The following MCTP1 variants were observed in gnomAD, a reference collection of about 807,000 sequenced individuals.
MCTP1 encodes the protein multiple C2 and transmembrane domain containing 1.
A neutral mutation model predicts 120.6 loss-of-function variants in MCTP1; 69 were observed. The observed-to-expected ratio is 0.57, with a 90% CI of 0.47 to 0.70. The LOEUF is 0.70. MCTP1 is among the 30% of genes least tolerant of loss of function. The pLI is 0.00. For missense variants in MCTP1, 1,203 were observed against 1,248.8 expected, an observed-to-expected ratio of 0.96 and a Z score of 0.55; for synonymous variants, 529 against 493.1, an observed-to-expected ratio of 1.07 and a Z score of -0.96.
intron 17 of MCTP1, among the ~76,000 whole-genome samples, chr5:94,802,731 G>C (rs764063984): frequency 4.6e-5 from 7 of 152,142 alleles, no homozygotes; most frequent in Non-Finnish European, 1.0e-4. Flanking sequence ...GCATTAAAAT[G>C]GGATGGAAAA....
At chr5:95,150,962 T>A (rs6861701) in intron 1 of MCTP1, among the ~76,000 whole-genome samples, 2,610 of 152,046 alleles carry the variant, frequency 0.017, 70 homozygotes, top group African/African-American at 0.059. Context: ...AAAGTAAGCA[T>A]AAGAAAATAT....
chr5:95,038,289 T>C (rs890101931), intron 1 of MCTP1: 4 of 217,670 alleles, frequency 1.8e-5, no homozygotes, highest in African/African-American at 7.0e-5. Context: ...TAAATTCTGG[T>C]TGGAGAAGTT....
chr5:94,713,246 C>T (rs1022870611), intron 20 of MCTP1, among the ~76,000 whole-genome samples: 12 of 152,088 alleles, frequency 7.9e-5, no homozygotes, highest in East Asian at 1.9e-4. Context: ...GATCATTTTG[C>T]GGGAGAGATG....
At chr5:95,167,213 C>T (rs987073291) in intron 1 of MCTP1, among the ~76,000 whole-genome samples, 33 of 152,286 alleles carry the variant, frequency 2.2e-4, no homozygotes, top group Admixed American at 2.1e-3. Context: ...CCAGCTTCAT[C>T]CATGTCCCTA....
At chr5:95,072,905 C>T (rs546585113) in intron 1 of MCTP1, among the ~76,000 whole-genome samples, 2 of 152,202 alleles carry the variant, frequency 1.3e-5, no homozygotes, top group African/African-American at 4.8e-5. Flanking sequence ...GCCACCATAC[C>T]TGGCTAATTT....
At chr5:95,115,788 G>C (rs1175474850) in intron 1 of MCTP1, among the ~76,000 whole-genome samples, 1 of 152,068 alleles carries the variant, frequency 6.6e-6, no homozygotes, top group Non-Finnish European at 1.5e-5. Context: ...GAAGGTTATA[G>C]AATACCAAGC....
At chr5:94,781,972 G>A (rs1375121128) in intron 18 of MCTP1, among the ~76,000 whole-genome samples, 1 of 152,114 alleles carries the variant, frequency 6.6e-6, no homozygotes, top group Non-Finnish European at 1.5e-5. Context: ...ACATCTACAA[G>A]TGAGGATTTA....
chr5:95,067,895 C>T (rs1001241865), intron 1 of MCTP1, among the ~76,000 whole-genome samples: 1 of 152,136 alleles, frequency 6.6e-6, no homozygotes, highest in Non-Finnish European at 1.5e-5. Context: ...ACAACTTATT[C>T]CTCCTAACTG....
chr5:94,832,233 C>T (rs1788678552), intron 17 of MCTP1, among the ~76,000 whole-genome samples: 1 of 110,012 alleles, frequency 9.1e-6, no homozygotes, highest in Non-Finnish European at 1.6e-5. Context: ...TGCATTCCCT[C>T]CTTGCATAAG....
rs150048482 is a variant in MCTP1 at position 95,096,892 on chromosome 5, T to C, written c.721-79408A>G. ...GTCTATCATTCTGAAATATATATTA[T>C]ATATCACATTGTTCTAAATAGCTTA... On this transcript the variant is annotated intron_variant, in intron 1 of 22. Transcript: ENST00000515393. 4.5e-3 allele frequency among the ~76,000 whole-genome samples: 681 copies of C among 152,342 alleles called. 8 individuals carry two copies. The highest frequency in any genetic ancestry group is 0.016 in the African/African-American group (649 of 41,586).
intron 20 of MCTP1, among the ~76,000 whole-genome samples, chr5:94,713,918 T>A (rs1201162661): frequency 6.6e-6 from 1 of 152,170 alleles, no homozygotes; most frequent in Non-Finnish European, 1.5e-5. Flanking sequence ...TGGCTATGAA[T>A]AACAAACAAT....
chr5:95,167,669 G>T, intron 1 of MCTP1, among the ~76,000 whole-genome samples: 1 of 152,190 alleles, frequency 6.6e-6, no homozygotes, highest in Non-Finnish European at 1.5e-5. Flanking sequence ...GTGATGATGA[G>T]CATTTTTTCA....
In MCTP1 at chr5:95,145,982, T is replaced by C. The variant is rs76908872; in HGVS notation, c.721-128498A>G. Reference sequence around the variant, plus strand: ...AGATTGGTTCCAGTTCTTCTTTGTATGTCTGGTAGAACTCTGCTGTTAATC... The same window carrying C: ...AGATTGGTTCCAGTTCTTCTTTGTACGTCTGGTAGAACTCTGCTGTTAATC... On this transcript the variant is annotated intron_variant, in intron 1 of 22. Coordinates refer to ENST00000515393, the MANE Select transcript of MCTP1 (RefSeq NM_024717.7). Among the ~76,000 whole-genome samples the C allele has an allele frequency of 3.1e-3, 468 of 152,288 alleles. 1 individual carries two copies. Among genetic ancestry groups the C allele is most frequent in the African/African-American group, 0.011 (445 of 41,580 alleles).
chr5:94,939,973 A>G, intron 5 of MCTP1, 111 bp downstream of exon 5: 1 of 560,844 alleles, frequency 1.8e-6, no homozygotes, highest in Admixed American at 2.7e-5. Flanking sequence ...GAAACAAAGA[A>G]CAGGGCATAT....
intron 1 of MCTP1, among the ~76,000 whole-genome samples, chr5:95,065,204 G>C (rs1448471869): frequency 1.2e-4 from 18 of 151,578 alleles, no homozygotes; most frequent in Non-Finnish European, 4.4e-5. Flanking sequence ...CTACACCTAA[G>C]AAATCATTTC....
intron 9 of MCTP1, among the ~76,000 whole-genome samples, chr5:94,911,580 G>T (rs985704789): frequency 6.6e-6 from 1 of 152,126 alleles, no homozygotes; most frequent in Non-Finnish European, 1.5e-5. Context: ...TGCCATGATT[G>T]TAAGTTTCCT....
intron 1 of MCTP1, among the ~76,000 whole-genome samples, chr5:95,093,917 C>G (rs1756032931): frequency 6.6e-6 from 1 of 152,212 alleles, no homozygotes; most frequent in Non-Finnish European, 1.5e-5. Flanking sequence ...GAAACCCAAG[C>G]AAGCTCATGG....
chr5:94,960,835 T>C (rs1252092533), intron 2 of MCTP1, among the ~76,000 whole-genome samples: 2 of 152,168 alleles, frequency 1.3e-5, no homozygotes, highest in African/African-American at 4.8e-5. Flanking sequence ...GAGTGTAAAT[T>C]AGTTCAACCA....
intron 1 of MCTP1, among the ~76,000 whole-genome samples, chr5:95,054,573 A>G (rs1746856081): frequency 6.6e-6 from 1 of 152,136 alleles, no homozygotes; most frequent in Non-Finnish European, 1.5e-5. Context: ...TGATTCCTGG[A>G]TCAGACTCAT....
Sources: allele counts gnomAD v4.1 joint callset (sites outside exome capture counted in the v4.1 genomes callset), GRCh38; gene constraint gnomAD v4.1.1; transcripts MANE v1.5; gene names NCBI Gene and HGNC (gene_info 2026-07-23, HGNC 2026-07-21).